The following PI4KA variants were observed in gnomAD, a reference collection of about 807,000 sequenced individuals.
PI4KA encodes the protein phosphatidylinositol 4-kinase alpha, also known as PI4-kinase alpha.
PI4KA carries 122 observed loss-of-function variants against 271.4 expected under a neutral mutation model. The ratio of observed to expected loss-of-function variants is 0.45; its 90% CI spans 0.39 to 0.52. The LOEUF (loss-of-function observed/expected upper bound fraction) is 0.52. Among genes scored for constraint, PI4KA ranks in the 20% least tolerant of loss-of-function variants. PI4KA has a pLI of 0.00. For missense variants in PI4KA, 1,969 were observed against 2,769.1 expected (o/e 0.71, Z 6.48); for synonymous variants, 1,041 against 1,078.8 (o/e 0.96, Z 0.69).
At chr22:20,827,651 T>C (rs575376118) in intron 3 of PI4KA, among the ~76,000 whole-genome samples, 1 of 152,332 alleles carries the variant, frequency 6.6e-6, no homozygotes, top group South Asian at 2.1e-4. Flanking sequence ...AGTATGGCCA[T>C]GTTAACAATA....
Position 20,796,176 on chromosome 22 carries a change from C to T in PI4KA, c.2247G>A (p.Glu749=). 2 of 1,613,966 alleles carry T rather than the reference C, an allele frequency of 1.2e-6. No individual in the cohort carries two copies. Among genetic ancestry groups the T allele is most frequent in the Non-Finnish European group, 1.7e-6 (2 of 1,179,838 alleles). Residue 749 remains glutamate (E), a synonymous_variant, in exon 18 of 55, where the codon GAG becomes GAA. Transcript: ENST00000255882. ...GGGCAGGGCCCTTCTCGCTTGCCCT[C>T]TCGCTGGCTCGCTTCCCCTCCAGCC... The part of the protein sequence containing the change: ...QLGLEGKRAS[E]RASEKGPALK...
intron 36 of PI4KA, among the ~76,000 whole-genome samples, chr22:20,732,748 G>A (rs894607470): frequency 2.0e-5 from 3 of 152,226 alleles, no homozygotes; most frequent in African/African-American, 7.2e-5. Flanking sequence ...AGTGGAGTCT[G>A]CTCAGCTGCC....
intron 23 of PI4KA, among the ~76,000 whole-genome samples, chr22:20,758,491 C>T (rs1261910958): frequency 2.9e-5 from 2 of 68,642 alleles, no homozygotes; most frequent in African/African-American, 1.2e-4. Flanking sequence ...CATTAGCTAT[C>T]GTTAGTGTTA....
At chr22:20,725,437 G>C in intron 42 of PI4KA, 1 of 378,786 alleles carries the variant, frequency 2.6e-6, no homozygotes, top group South Asian at 1.9e-5. Context: ...CCTCAGAATG[G>C]TACTGTATTT....
intron 19 of PI4KA, chr22:20,779,429 T>C (rs1933567804): frequency 1.9e-6 from 3 of 1,614,030 alleles, no homozygotes; most frequent in Non-Finnish European, 2.5e-6. Context: ...AGTCTGCAGA[T>C]CCCCAGTGGG....
chr22:20,752,809 T>C, intron 25 of PI4KA, 94 bp downstream of exon 25: 1 of 1,352,754 alleles, frequency 7.4e-7, no homozygotes, highest in African/African-American at 1.4e-5. Flanking sequence ...CATTTTTTCC[T>C]AGATTAATAA....
chr22:20,769,953 T>C (rs1459170191), intron 19 of PI4KA, among the ~76,000 whole-genome samples: 2 of 152,162 alleles, frequency 1.3e-5, no homozygotes, highest in East Asian at 1.9e-4. Flanking sequence ...AAGTGAGTGA[T>C]GTCTTTAAGT....
chr22:20,708,331 C>CA (rs1924777286), intron 54 of PI4KA, among the ~76,000 whole-genome samples: 1 of 152,114 alleles, frequency 6.6e-6, no homozygotes, highest in African/African-American at 2.4e-5. Flanking sequence ...CCGTGGGAGC[C>CA]ACTGCTCTGC....
At chr22:20,711,010 G>T in intron 51 of PI4KA, 152 bp from the exon 52 acceptor site, 1 of 701,318 alleles carries the variant, frequency 1.4e-6, no homozygotes, top group East Asian at 2.7e-5. Context: ...CAGTGATGGG[G>T]TGGGTGGTGG....
rs770046608 is a variant in PI4KA at position 20,709,883 on chromosome 22, C to T, written c.6173+25G>A. ...TAATGGACAACTGTCCCCCAGATGG[C>T]CTGCGTGTCCACCAAGGAACCTACT... On this transcript the variant is annotated intron_variant, in intron 53 of 54. Transcript: ENST00000255882. 12 of 1,286,998 alleles carry T rather than the reference C, an allele frequency of 9.3e-6. No homozygotes were observed. The Middle Eastern group carries it at 1.7e-3, about 178-fold the overall frequency. The allele number at this position is 1,286,998 out of a possible 1,614,324, so 79.7% of individuals were successfully genotyped here.
chr22:20,841,989 G>A (rs972042297), intron 1 of PI4KA, among the ~76,000 whole-genome samples: 5 of 152,136 alleles, frequency 3.3e-5, no homozygotes, highest in Non-Finnish European at 7.3e-5. Flanking sequence ...GCTGAAGTGG[G>A]TGGATCACCT....
chr22:20,710,218 G>A (rs1925076234), intron 52 of PI4KA: 1 of 615,320 alleles, frequency 1.6e-6, no homozygotes, highest in Non-Finnish European at 3.0e-6. Flanking sequence ...TGGACAGGCT[G>A]AGTGTCCTGC....
chr22:20,856,580 A>T (rs917939060), intron 1 of PI4KA, among the ~76,000 whole-genome samples: 4 of 151,852 alleles, frequency 2.6e-5, no homozygotes, highest in African/African-American at 9.7e-5. Context: ...GATTAGAGGC[A>T]CGTGCCACCA....
rs1925032247 is a variant in PI4KA, at chr22:20,709,946, G to A, written c.6135C>T (p.Gly2045=). The change falls in exon 53 of 55, where the codon GGC becomes GGT. Residue 2045 remains glycine (G), a synonymous_variant. Coordinates refer to ENST00000255882, the MANE Select transcript of PI4KA (RefSeq NM_058004.4). ...VSLVTLMLDT[G]LPCFRGQTIK... ...TTGTCTGGCCGCGAAAACAGGGCAG[G>A]CCCGTGTCCAACATGAGAGTGACCA... The A allele has an allele frequency of 6.2e-7, 1 of 1,613,502 alleles. No individual in the cohort carries two copies. Among genetic ancestry groups the A allele is most frequent in the Non-Finnish European group, 8.5e-7 (1 of 1,179,462 alleles).
At chr22:20,733,698 C>T (rs373834102) in intron 35 of PI4KA, 38 bp downstream of exon 35, 33 of 1,613,808 alleles carry the variant, frequency 2.0e-5, no homozygotes, top group East Asian at 1.3e-4. Flanking sequence ...GGGGCTGCGC[C>T]GTCCCTGGAC....
Position 20,802,081 on chromosome 22 carries a change from C to T in PI4KA, c.1616G>A (p.Ser539Asn). The change falls in exon 14 of 55, where the codon AGT (serine) becomes AAT (asparagine). Residue 539 changes from serine to asparagine, a missense_variant. Around this residue, in one of 13 missense-constraint regions of PI4KA, gnomAD observed 228 missense variants for 261.6 expected, o/e 0.87. Coordinates refer to ENST00000255882, the MANE Select transcript of PI4KA (RefSeq NM_058004.4). ...HTVAGNDIKISVTNEHSESTL... is the reference protein window; with the variant it reads ...HTVAGNDIKINVTNEHSESTL... ...TGACTCGGAATGCTCATTGGTCACA[C>T]TGATTTTTATATCATTGCCAGCAAC... The T allele has an allele frequency of 1.9e-6, 3 of 1,614,006 alleles. No individual in the cohort carries two copies. The highest frequency in any genetic ancestry group is 2.2e-5 in the East Asian group (1 of 44,866).
chr22:20,719,145 A>G (rs1926398116), intron 43 of PI4KA, among the ~76,000 whole-genome samples: 1 of 152,004 alleles, frequency 6.6e-6, no homozygotes, highest in Non-Finnish European at 1.5e-5. Flanking sequence ...TAGAATCCTC[A>G]CTGCTGCACA....
intron 12 of PI4KA, 86 bp from the exon 13 acceptor site, chr22:20,803,406 G>T (rs1290114295): frequency 1.6e-5 from 25 of 1,548,950 alleles, no homozygotes; most frequent in Non-Finnish European, 2.0e-5. Flanking sequence ...CAACCCTTCA[G>T]TACCCAAGTC....
intron 41 of PI4KA, 72 bp from the exon 42 acceptor site, chr22:20,726,613 C>T: frequency 7.3e-7 from 1 of 1,361,930 alleles, no homozygotes; most frequent in Non-Finnish European, 1.0e-6. Context: ...CCAGGCCCTG[C>T]CTCTGCTTCT....
Sources: allele counts gnomAD v4.1 joint callset (sites outside exome capture counted in the v4.1 genomes callset), GRCh38; gene constraint gnomAD v4.1.1; regional missense constraint gnomAD v4.1.1; transcripts MANE v1.5; gene names NCBI Gene and HGNC (gene_info 2026-07-23, HGNC 2026-07-21).